Variants in SAMD3 observed in about 807,000 individuals in gnomAD.
SAMD3 encodes sterile alpha motif domain containing 3.
Under a neutral mutation model 58.5 loss-of-function variants are expected in SAMD3, and 63 were observed. That is an observed-to-expected ratio of 1.08 (90% CI 0.88 to 1.33). SAMD3 has a LOEUF of 1.33. Ranked by LOEUF, SAMD3 falls within the 40% of genes most tolerant of loss-of-function variation. SAMD3 has a pLI of 0.00. For missense variants in SAMD3, 604 were observed against 608.4 expected (o/e 0.99, Z 0.08); for synonymous variants, 220 against 210.3 (o/e 1.05, Z -0.40).
chr6:130,262,309 G>A (rs7775048), intron 2 of SAMD3, among the ~76,000 whole-genome samples: 71,113 of 147,112 alleles, frequency 0.48, 19,697 homozygotes, highest in African/African-American at 0.8. Flanking sequence ...AAAAAAGTAA[G>A]AAAAAAAAAA....
At chr6:130,287,907 T>C (rs536773277) in intron 2 of SAMD3, among the ~76,000 whole-genome samples, 3 of 147,290 alleles carry the variant, frequency 2.0e-5, no homozygotes, top group South Asian at 2.1e-4. Context: ...ATCACGCCAC[T>C]GCACTCCAGC....
At chr6:130,338,997 G>A (rs1335439014) in intron 1 of SAMD3, among the ~76,000 whole-genome samples, 1 of 152,192 alleles carries the variant, frequency 6.6e-6, no homozygotes, top group East Asian at 1.9e-4. Flanking sequence ...GGGGCCAGGG[G>A]CAGAATGATA....
At chr6:130,145,279 A>C in intron 11 of SAMD3, 61 bp downstream of exon 11, 1 of 758,938 alleles carries the variant, frequency 1.3e-6, no homozygotes, top group Non-Finnish European at 2.0e-6. Context: ...TAAATAAATA[A>C]TATAAATAAT....
chr6:130,276,718 TAGAGAA>T (rs1328866283), intron 2 of SAMD3, among the ~76,000 whole-genome samples: 1 of 151,936 alleles, frequency 6.6e-6, no homozygotes, highest in Non-Finnish European at 1.5e-5. Flanking sequence ...AGGATTGCAG[TAGAGAA>T]AGAGTTTAAT....
intron 1 of SAMD3, among the ~76,000 whole-genome samples, chr6:130,346,716 G>C (rs1018997542): frequency 2.2e-4 from 33 of 152,342 alleles, no homozygotes; most frequent in African/African-American, 7.5e-4. Context: ...CTGTCTGACA[G>C]CTTTGAAGAG....
intron 1 of SAMD3, among the ~76,000 whole-genome samples, chr6:130,323,864 G>GA (rs1365750553): frequency 1.4e-5 from 2 of 140,992 alleles, no homozygotes; most frequent in African/African-American, 2.8e-5. Context: ...GAAAAGGGCA[G>GA]AAAATGTGTC....
At position 130,301,182 on chromosome 6, in the gene SAMD3, G is replaced by T. The variant is rs184456952; in HGVS notation, c.-188+11796C>A. Among the ~76,000 whole-genome samples, 346 of 152,210 alleles carry T rather than the reference G, an allele frequency of 2.3e-3. 2 individuals are homozygous for T. The highest frequency in any genetic ancestry group is 4.4e-3 in the Non-Finnish European group (300 of 68,016). On this transcript the variant is annotated intron_variant, in intron 2 of 13. Transcript: ENST00000368134. ...TTTTATGGCTGCGTAGTATTTCATGGTGTATATGTGCCACATTTTCTTAAT... is the reference window on the plus strand; with the variant it reads ...TTTTATGGCTGCGTAGTATTTCATGTTGTATATGTGCCACATTTTCTTAAT...
intron 2 of SAMD3, among the ~76,000 whole-genome samples, chr6:130,306,956 A>T (rs1403971863): frequency 6.6e-6 from 1 of 152,228 alleles, no homozygotes; most frequent in Non-Finnish European, 1.5e-5. Flanking sequence ...TTCTATTTCT[A>T]AAATGTGACA....
chr6:130,144,757 C>T lies in SAMD3; in HGVS notation c.1326G>A (p.Met442Ile), dbSNP rs377085950. Residue 442 changes from methionine to isoleucine, a missense_variant, in exon 12 of 12, where the codon ATG becomes ATA. Coordinates refer to ENST00000439090, the MANE Select transcript of SAMD3 (RefSeq NM_001017373.4). Reference protein sequence around the residue: ...PVLEVKNPFNMEVCEFSLYLE... With the variant: ...PVLEVKNPFNIEVCEFSLYLE... ...AATATAAAGAAAATTCGCAGACCTC[C>T]ATGTTGAAAGGGTTTTTAACTTCCA... 1 of 1,613,886 alleles carries T rather than the reference C, an allele frequency of 6.2e-7. No individual in the cohort carries two copies. The highest frequency in any genetic ancestry group is 1.3e-5 in the African/African-American group (1 of 74,922).
At chr6:130,286,453 T>G (rs185393065) in intron 2 of SAMD3, among the ~76,000 whole-genome samples, 194 of 152,328 alleles carry the variant, frequency 1.3e-3, no homozygotes, top group Non-Finnish European at 2.4e-3. Flanking sequence ...AGTTCCTTTC[T>G]TTTGAAAGAA....
chr6:130,313,774 G>A (rs779315919), intron 1 of SAMD3, among the ~76,000 whole-genome samples: 1 of 152,132 alleles, frequency 6.6e-6, no homozygotes, highest in Non-Finnish European at 1.5e-5. Context: ...CTGAAGTCCT[G>A]CTATCAGAGG....
At chr6:130,192,513 C>T (rs924147664) in intron 5 of SAMD3, among the ~76,000 whole-genome samples, 11 of 151,688 alleles carry the variant, frequency 7.3e-5, no homozygotes, top group Non-Finnish European at 1.2e-4. Flanking sequence ...CCACTGAGTA[C>T]CTTGTGACCC....
At chr6:130,361,377 G>C (rs564396802) in intron 1 of SAMD3, among the ~76,000 whole-genome samples, 2 of 152,108 alleles carry the variant, frequency 1.3e-5, no homozygotes, top group African/African-American at 2.4e-5. Flanking sequence ...AACATGAAAG[G>C]GTATTCCCTG....
chr6:130,265,034 C>G, intron 2 of SAMD3, among the ~76,000 whole-genome samples: 1 of 152,168 alleles, frequency 6.6e-6, no homozygotes, highest in East Asian at 1.9e-4. Flanking sequence ...TTAGGCAAAA[C>G]CTAAACATAA....
At chr6:130,275,719 T>C (rs1774751565) in intron 2 of SAMD3, among the ~76,000 whole-genome samples, 1 of 152,296 alleles carries the variant, frequency 6.6e-6, no homozygotes, top group East Asian at 1.9e-4. Flanking sequence ...GATCTTCAAG[T>C]CTTGCCCTCC....
chr6:130,310,949 C>T (rs1459850198), intron 2 of SAMD3, among the ~76,000 whole-genome samples: 2 of 152,014 alleles, frequency 1.3e-5, no homozygotes, highest in Non-Finnish European at 1.5e-5. Flanking sequence ...TATTCTTTTT[C>T]GGGGGATTAA....
chr6:130,234,974 G>T (rs967123527), intron 2 of SAMD3, among the ~76,000 whole-genome samples: 1 of 152,166 alleles, frequency 6.6e-6, no homozygotes, highest in Non-Finnish European at 1.5e-5. Flanking sequence ...AATTAGCCAG[G>T]CATGGTGGTG....
chr6:130,359,005 C>G (rs997833764), intron 1 of SAMD3, among the ~76,000 whole-genome samples: 5 of 152,132 alleles, frequency 3.3e-5, no homozygotes, highest in African/African-American at 1.2e-4. Flanking sequence ...CATCAGACTG[C>G]GTGGGCTCAT....
rs983856428 is a variant in SAMD3, at chr6:130,194,386, G to T, written c.384-9763C>A. On this transcript the variant is annotated intron_variant, in intron 5 of 11. Coordinates refer to ENST00000439090, the MANE Select transcript of SAMD3 (RefSeq NM_001017373.4). ...CAATATACATTTTATTACCCAATCT[G>T]CTCCTGACATTAAATAAAACTCCAA... 2.6e-5 allele frequency among the ~76,000 whole-genome samples: 4 copies of T among 152,262 alleles called. No individual in the cohort carries two copies. In the East Asian group the frequency reaches 5.8e-4, roughly 22 times the overall value.
Sources: allele counts gnomAD v4.1 joint callset (sites outside exome capture counted in the v4.1 genomes callset), GRCh38; gene constraint gnomAD v4.1.1; transcripts MANE v1.5; gene names NCBI Gene and HGNC (gene_info 2026-07-23, HGNC 2026-07-21).